Variants in R3HDM1 observed in about 807,000 individuals in gnomAD.
The protein encoded by R3HDM1 is R3H domain-containing protein 1.
Under a neutral mutation model 141.1 loss-of-function variants are expected in R3HDM1, and 46 were observed. That is an observed-to-expected ratio of 0.33 (90% CI 0.26 to 0.42). The LOEUF is 0.42. Ranked by LOEUF, R3HDM1 falls within the 10% of genes least tolerant of loss-of-function variation. The pLI is 1.00. For missense variants in R3HDM1, 1,184 were observed against 1,368.3 expected (o/e 0.87, Z 2.12); for synonymous variants, 435 against 472.9 (o/e 0.92, Z 1.04).
At chr2:135,554,926 T>C (rs932480101) in intron 1 of R3HDM1, among the ~76,000 whole-genome samples, 3 of 152,212 alleles carry the variant, frequency 2.0e-5, no homozygotes, top group African/African-American at 7.2e-5. Context: ...AAGTGGTCCA[T>C]GTCCATTCTG....
intron 21 of R3HDM1, among the ~76,000 whole-genome samples, chr2:135,699,647 T>C (rs1460079081): frequency 6.6e-6 from 1 of 152,212 alleles, no homozygotes; most frequent in African/African-American, 2.4e-5. Flanking sequence ...TTCTAAAGTT[T>C]TGTAAATGTA....
intron 7 of R3HDM1, among the ~76,000 whole-genome samples, chr2:135,626,185 G>GTGCT (rs1356097707): frequency 6.9e-6 from 1 of 144,366 alleles, no homozygotes; most frequent in African/African-American, 2.8e-5. Flanking sequence ...GCTTGCTTGC[G>GTGCT]TGCGTGCGTG....
rs905991084 is a variant in R3HDM1 at position 135,667,086 on chromosome 2, TAAG to T, written c.2152+5696_2152+5698del. 16 of 902,122 alleles carry T rather than the reference TAAG, an allele frequency of 1.8e-5. No homozygotes were observed. In the African/African-American group the frequency reaches 2.7e-4, roughly 15 times the overall value. 55.9% of individuals were successfully genotyped at this position (902,122 alleles called of 1,614,324 possible). A position where few individuals can be genotyped will look rare whatever the true frequency, so the allele number is the denominator to read the frequency against. Reference sequence around the variant, plus strand: ...ATTTTTCTGATTATTTCTGTGTTATTAAGAATGCTTTCCTTTAGAACAAATGCT... The same window carrying T: ...ATTTTTCTGATTATTTCTGTGTTATTAATGCTTTCCTTTAGAACAAATGCT... On this transcript the variant is annotated intron_variant, in intron 19 of 26. Transcript: ENST00000683871.
chr2:135,655,764 G>T (rs773802928), intron 18 of R3HDM1, among the ~76,000 whole-genome samples: 1 of 152,000 alleles, frequency 6.6e-6, no homozygotes, highest in Non-Finnish European at 1.5e-5. Flanking sequence ...AAAGTGCTGG[G>T]ATTACAGATG....
At chr2:135,645,263 G>GT (rs931478781) in intron 15 of R3HDM1, 116 bp from the exon 16 acceptor site, 958 of 887,276 alleles carry the variant, frequency 1.1e-3, no homozygotes, top group South Asian at 1.3e-3. Context: ...AAATATTAGG[G>GT]TTTTTTTTTA....
intron 1 of R3HDM1, chr2:135,566,790 A>G (rs1702878434): frequency 3.8e-5 from 37 of 984,480 alleles, no homozygotes; most frequent in Non-Finnish European, 4.5e-5. Flanking sequence ...GCCTGTAATC[A>G]TGGTGAAACC....
intron 19 of R3HDM1, chr2:135,669,761 G>T: frequency 1.0e-5 from 2 of 190,836 alleles, no homozygotes; most frequent in Non-Finnish European, 1.9e-5. Flanking sequence ...ATAAGATTGT[G>T]AACACTAAAT....
intron 3 of R3HDM1, among the ~76,000 whole-genome samples, chr2:135,615,500 C>T (rs1453038206): frequency 1.3e-5 from 2 of 152,164 alleles, no homozygotes; most frequent in Admixed American, 6.5e-5. Context: ...AGTTAGTTTG[C>T]CTTACCGCAT....
intron 1 of R3HDM1, among the ~76,000 whole-genome samples, chr2:135,557,763 G>A (rs1241011283): frequency 2.0e-5 from 3 of 152,328 alleles, no homozygotes; most frequent in East Asian, 3.9e-4. Flanking sequence ...CACTCCTGGG[G>A]CTGGAAGTGG....
intron 21 of R3HDM1, among the ~76,000 whole-genome samples, chr2:135,680,858 T>C (rs1331476431): frequency 1.3e-5 from 2 of 152,224 alleles, no homozygotes; most frequent in African/African-American, 2.4e-5. Flanking sequence ...CAGATCTCTC[T>C]TGTGCCTAAA....
intron 1 of R3HDM1, among the ~76,000 whole-genome samples, chr2:135,596,446 T>C (rs1475420809): frequency 6.6e-6 from 1 of 152,222 alleles, no homozygotes; most frequent in African/African-American, 2.4e-5. Flanking sequence ...TAACAGTTGC[T>C]AACCTTTTTT....
intron 7 of R3HDM1, among the ~76,000 whole-genome samples, chr2:135,627,535 A>G (rs1160687702): frequency 6.6e-6 from 1 of 152,148 alleles, no homozygotes. Flanking sequence ...GATAAAGATT[A>G]CACTCACTGA....
intron 9 of R3HDM1, among the ~76,000 whole-genome samples, chr2:135,632,347 A>G (rs1426661522): frequency 6.7e-6 from 1 of 149,802 alleles, no homozygotes; most frequent in African/African-American, 2.5e-5. Flanking sequence ...AAAAAAAAAC[A>G]CAAGAGAGAG....
At chr2:135,655,643 A>G (rs959583911) in intron 18 of R3HDM1, among the ~76,000 whole-genome samples, 2 of 151,796 alleles carry the variant, frequency 1.3e-5, no homozygotes, top group African/African-American at 4.8e-5. Flanking sequence ...AGTAGCTGGG[A>G]CTACAGGTGC....
At chr2:135,578,747 G>A (rs1332152584) in intron 1 of R3HDM1, among the ~76,000 whole-genome samples, 1 of 152,196 alleles carries the variant, frequency 6.6e-6, no homozygotes, top group Non-Finnish European at 1.5e-5. Context: ...GTTTCTCACA[G>A]AGGTATCGCT....
At chr2:135,645,622 T>A (rs984709706) in intron 16 of R3HDM1, 95 bp downstream of exon 16, 13 of 1,409,706 alleles carry the variant, frequency 9.2e-6, no homozygotes, top group Non-Finnish European at 2.9e-6. Flanking sequence ...CCTAAGTATC[T>A]CTTAGAACTT....
intron 1 of R3HDM1, among the ~76,000 whole-genome samples, chr2:135,555,473 G>A (rs550241566): frequency 2.0e-5 from 3 of 152,212 alleles, no homozygotes; most frequent in Non-Finnish European, 2.9e-5. Context: ...AAAGGGTGTG[G>A]TCATTTTGGT....
chr2:135,680,458 A>T, intron 21 of R3HDM1, 134 bp downstream of exon 21: 1 of 986,650 alleles, frequency 1.0e-6, no homozygotes, highest in Non-Finnish European at 1.5e-6. Flanking sequence ...AAAAACTATA[A>T]TACAGTATAC....
intron 3 of R3HDM1, chr2:135,607,725 A>G: frequency 7.2e-6 from 3 of 417,540 alleles, no homozygotes; most frequent in Non-Finnish European, 9.6e-6. Flanking sequence ...TACCATGTCT[A>G]TTGTGTTGCC....
Sources: gnomAD v4.1 joint callset for allele counts (sites outside exome capture counted in the v4.1 genomes callset) on GRCh38, gnomAD v4.1.1 for gene constraint, MANE v1.5 for transcripts, NCBI Gene and HGNC (gene_info 2026-07-23, HGNC 2026-07-21) for gene names.